The following GALM variants were observed in gnomAD, a reference collection of about 807,000 sequenced individuals.
GALM encodes the protein aldose 1-epimerase.
GALM carries 43 observed loss-of-function variants against 37.4 expected under a neutral mutation model. That is an observed-to-expected ratio of 1.15 (90% CI 0.90 to 1.48). The LOEUF (loss-of-function observed/expected upper bound fraction) is 1.48. Ranked by LOEUF, GALM falls within the 40% of genes most tolerant of loss-of-function variation. GALM has a pLI of 0.00. For missense variants in GALM, 456 were observed against 419.1 expected, an observed-to-expected ratio of 1.09 and a Z score of -0.77; for synonymous variants, 199 against 170.6, an observed-to-expected ratio of 1.17 and a Z score of -1.30.
chr2:38,687,786 G>T, intron 3 of GALM, among the ~76,000 whole-genome samples: 1 of 151,982 alleles, frequency 6.6e-6, no homozygotes, highest in East Asian at 1.9e-4. Context: ...AGTTTCTGTC[G>T]TGTTTAGACA....
Position 38,701,398 on chromosome 2 carries a change from A to G in GALM, c.634+11504A>G, listed in dbSNP as rs75753367. ...TGTAGTAGTAGATAAGGAATTAAGAAAGCAAAAATGAGTGCTTTGACTAGG... is the reference window on the plus strand; with the variant it reads ...TGTAGTAGTAGATAAGGAATTAAGAGAGCAAAAATGAGTGCTTTGACTAGG... On this transcript the variant is annotated intron_variant, in intron 4 of 6. Coordinates refer to ENST00000272252, the MANE Select transcript of GALM (RefSeq NM_138801.3). Among the ~76,000 whole-genome samples the G allele has an allele frequency of 2.0e-5, 3 of 152,316 alleles. No individual in the cohort carries two copies. In the East Asian group the frequency reaches 5.8e-4, roughly 29 times the overall value.
At chr2:38,709,161 C>G (rs1211077100) in intron 4 of GALM, among the ~76,000 whole-genome samples, 1 of 151,500 alleles carries the variant, frequency 6.6e-6, no homozygotes, top group Non-Finnish European at 1.5e-5. Flanking sequence ...AGGGAAGACG[C>G]GTGGCAAGGG....
chr2:38,707,860 C>A (rs1440882842), intron 4 of GALM, among the ~76,000 whole-genome samples: 1 of 152,068 alleles, frequency 6.6e-6, no homozygotes, highest in Non-Finnish European at 1.5e-5. Flanking sequence ...ATAATCCCAG[C>A]ACTCTGGGAG....
chr2:38,682,303 C>G, intron 3 of GALM: 3 of 451,498 alleles, frequency 6.6e-6, no homozygotes, highest in South Asian at 3.1e-5. Context: ...TAGCTAAACT[C>G]TGTAGATTAT....
intron 4 of GALM, among the ~76,000 whole-genome samples, chr2:38,719,774 CAAA>C (rs34403810): frequency 1.7e-5 from 2 of 118,520 alleles, no homozygotes; most frequent in Non-Finnish European, 3.4e-5. Flanking sequence ...AATTCTGTCT[CAAA>C]AAAAAAAAAA....
intron 1 of GALM, among the ~76,000 whole-genome samples, chr2:38,671,921 G>A (rs1665114194): frequency 6.6e-6 from 1 of 152,064 alleles, no homozygotes. Context: ...TGGAGGTCAA[G>A]GCTGCAATGA....
rs1472345760 is a variant in GALM, at chr2:38,666,254, G to A, written c.93G>A (p.Val31=). Residue 31 remains valine (V), a synonymous_variant, in exon 1 of 7, where the codon GTG becomes GTA. Coordinates refer to ENST00000272252, the MANE Select transcript of GALM (RefSeq NM_138801.3). The part of the protein sequence containing the change: ...KFQLQSDLLR[V]DIISWGCTIT... Reference sequence around the variant, plus strand: ...AGCTGCAGTCAGACCTCTTGAGAGTGGACATCATCTCCTGGGGCTGCACGA... The same window carrying A: ...AGCTGCAGTCAGACCTCTTGAGAGTAGACATCATCTCCTGGGGCTGCACGA... 1.9e-6 allele frequency: 3 copies of A among 1,613,938 alleles called. No homozygotes were observed. The highest frequency in any genetic ancestry group is 2.5e-6 in the Non-Finnish European group (3 of 1,179,798).
chr2:38,687,718 A>T (rs1225034404), intron 3 of GALM, among the ~76,000 whole-genome samples: 1 of 151,962 alleles, frequency 6.6e-6, no homozygotes, highest in Non-Finnish European at 1.5e-5. Flanking sequence ...CTCCGAAAAA[A>T]AAAAAAAGAG....
At chr2:38,708,625 C>T (rs752065528) in intron 4 of GALM, among the ~76,000 whole-genome samples, 9 of 151,376 alleles carry the variant, frequency 5.9e-5, no homozygotes, top group Non-Finnish European at 1.2e-4. Context: ...CCTGTAGTCC[C>T]AGCTACTCAG....
intron 4 of GALM, chr2:38,698,487 C>A: frequency 1.0e-4 from 84 of 814,794 alleles, no homozygotes; most frequent in Non-Finnish European, 1.3e-4. Flanking sequence ...AGCTCTGCGT[C>A]TTCAGAGCAA....
intron 6 of GALM, among the ~76,000 whole-genome samples, chr2:38,733,104 C>T (rs1666639645): frequency 6.6e-6 from 1 of 151,388 alleles, no homozygotes; most frequent in South Asian, 2.1e-4. Flanking sequence ...GCCTGTGATC[C>T]CAGCTACTCT....
chr2:38,695,921 A>G (rs970789733), intron 4 of GALM, among the ~76,000 whole-genome samples: 3 of 150,076 alleles, frequency 2.0e-5, no homozygotes, highest in African/African-American at 7.4e-5. Context: ...CTGATCTTGA[A>G]CTCCTGACCT....
At chr2:38,693,100 G>A (rs959716791) in intron 4 of GALM, among the ~76,000 whole-genome samples, 1 of 152,178 alleles carries the variant, frequency 6.6e-6, no homozygotes, top group Admixed American at 6.5e-5. Context: ...TGACTCACAG[G>A]TGTGCCTGAG....
At chr2:38,667,502 G>A (rs982956655) in intron 1 of GALM, among the ~76,000 whole-genome samples, 4 of 152,112 alleles carry the variant, frequency 2.6e-5, no homozygotes, top group African/African-American at 7.2e-5. Flanking sequence ...CCCAGGAGGC[G>A]GAGGTTGCAG....
intron 3 of GALM, among the ~76,000 whole-genome samples, chr2:38,684,699 C>T (rs1665480645): frequency 6.6e-6 from 1 of 152,112 alleles, no homozygotes; most frequent in Non-Finnish European, 1.5e-5. Flanking sequence ...CCCAGCTAAT[C>T]AGGAGGCCGA....
rs376302420 is a variant in GALM, at chr2:38,722,116, T to G, written c.635-7440T>G. On this transcript the variant is annotated intron_variant, in intron 4 of 6. Transcript: ENST00000272252. ...GGCTCATGCCTGTAATCCCAGCACT[T>G]TGGGAGGCGGAGGCAGCTGGATCAC... Among the ~76,000 whole-genome samples, 94 of 129,672 alleles carry G rather than the reference T, an allele frequency of 7.2e-4. 1 individual carries two copies. In the East Asian group the frequency reaches 0.018, roughly 25 times the overall value. 85.1% of individuals were successfully genotyped at this position (129,672 alleles called of 152,430 possible). A position where few individuals can be genotyped will look rare whatever the true frequency, so the allele number is the denominator to read the frequency against.
At chr2:38,679,013 G>C (rs892578592) in intron 2 of GALM, among the ~76,000 whole-genome samples, 1 of 151,334 alleles carries the variant, frequency 6.6e-6, no homozygotes, top group Admixed American at 6.6e-5. Flanking sequence ...TTGACACGGA[G>C]TCTCACTCTG....
chr2:38,689,554 G>T (rs1373049447), intron 3 of GALM, among the ~76,000 whole-genome samples: 1 of 152,144 alleles, frequency 6.6e-6, no homozygotes, highest in Non-Finnish European at 1.5e-5. Context: ...AACCACTGTG[G>T]TCTCTGACTT....
chr2:38,666,382 A>T, intron 1 of GALM, 31 bp downstream of exon 1: 1 of 1,522,908 alleles, frequency 6.6e-7, no homozygotes, highest in Non-Finnish European at 9.0e-7. Context: ...GGCTGCGAGC[A>T]GGCCCCAGGC....
Sources: allele counts gnomAD v4.1 joint callset (sites outside exome capture counted in the v4.1 genomes callset), GRCh38; gene constraint gnomAD v4.1.1; transcripts MANE v1.5; gene names NCBI Gene and HGNC (gene_info 2026-07-23, HGNC 2026-07-21).